The following SGCE variants were observed in gnomAD, a reference collection of about 807,000 sequenced individuals.
The protein encoded by SGCE is epsilon-sarcoglycan.
Under a neutral mutation model 57.8 loss-of-function variants are expected in SGCE, and 26 were observed. The observed-to-expected ratio is 0.45, with a 90% CI of 0.33 to 0.62. The LOEUF is 0.62. SGCE is among the 20% of genes least tolerant of loss of function. The pLI, the probability that SGCE is intolerant of heterozygous loss-of-function variation, is 0.02. For synonymous variants in SGCE, 183 were observed against 189.5 expected, an observed-to-expected ratio of 0.97 and a Z score of 0.28; for missense variants, 468 against 548.6, an observed-to-expected ratio of 0.85 and a Z score of 1.47.
intron 1 of SGCE, among the ~76,000 whole-genome samples, chr7:94,648,218 C>T (rs892240345): frequency 1.3e-5 from 2 of 151,304 alleles, no homozygotes; most frequent in Non-Finnish European, 2.9e-5. Context: ...ACTAAAAATA[C>T]AAAAAAATTA....
chr7:94,617,278 T>G (rs1802074937), intron 5 of SGCE: 1 of 152,204 alleles, frequency 6.6e-6, no homozygotes, highest in African/African-American at 2.4e-5. Context: ...CTTGGTTCAA[T>G]TTAGTTTAGT....
intron 5 of SGCE, among the ~76,000 whole-genome samples, chr7:94,609,997 A>T (rs547276389): frequency 6.6e-6 from 1 of 152,320 alleles, no homozygotes; most frequent in South Asian, 2.1e-4. Flanking sequence ...ACCGTGGTAC[A>T]TCCAGAAAAT....
chr7:94,629,414 T>C, intron 2 of SGCE: 1 of 291,592 alleles, frequency 3.4e-6, no homozygotes, highest in South Asian at 3.5e-5. Context: ...TAGGTCTTAA[T>C]ATAGAAAATC....
At chr7:94,640,342 A>G (rs1457789178) in intron 1 of SGCE, among the ~76,000 whole-genome samples, 5 of 152,214 alleles carry the variant, frequency 3.3e-5, no homozygotes, top group Admixed American at 3.3e-4. Context: ...CCTTAAAGAT[A>G]CCATGTCCCT....
At chr7:94,652,800 G>A (rs1041145247) in intron 1 of SGCE, among the ~76,000 whole-genome samples, 5 of 152,106 alleles carry the variant, frequency 3.3e-5, no homozygotes, top group African/African-American at 1.2e-4. Flanking sequence ...ACTTTGCTTA[G>A]AAATAAATTT....
chr7:94,641,091 CAG>C (rs1584750184), intron 1 of SGCE: 1 of 152,274 alleles, frequency 6.6e-6, no homozygotes, highest in East Asian at 1.9e-4. Context: ...GAAGCAGTCA[CAG>C]AGGTTGAAAA....
chr7:94,598,924 G>A lies in SGCE; in HGVS notation c.1104C>T (p.Thr368=). 6.2e-7 allele frequency: 1 copy of A among 1,613,816 alleles called. No homozygotes were observed. The highest frequency in any genetic ancestry group is 1.1e-5 in the South Asian group (1 of 91,072). Residue 368 remains threonine (T), a synonymous_variant, in exon 9 of 11, where the codon ACC becomes ACT. Coordinates refer to ENST00000648936, the MANE Select transcript of SGCE (RefSeq NM_003919.3). ...TCTTGGACATGTCTCGAAGCTCCTT[G>A]GTAGATTTCTGAATAGCACTGTGAT... ...LVHHSAIQKS[T]KELRDMSKNR...
At chr7:94,655,699 G>A (rs1213465344) in intron 1 of SGCE, among the ~76,000 whole-genome samples, 1 of 151,930 alleles carries the variant, frequency 6.6e-6, no homozygotes, top group Admixed American at 6.6e-5. Flanking sequence ...GGGCGGGGAG[G>A]GGGATGTTGG....
At chr7:94,605,632 A>G (rs919904287) in intron 5 of SGCE, among the ~76,000 whole-genome samples, 4 of 152,132 alleles carry the variant, frequency 2.6e-5, no homozygotes, top group Admixed American at 2.6e-4. Flanking sequence ...ATATATGTAT[A>G]TTACAAACTC....
At chr7:94,589,771 T>C in intron 9 of SGCE, 1 of 189,082 alleles carries the variant, frequency 5.3e-6, no homozygotes, top group South Asian at 1.4e-4. Flanking sequence ...GATGGTACTG[T>C]CTAGTTGCAG....
chr7:94,627,506 A>G (rs998376358), intron 3 of SGCE: 8 of 152,026 alleles, frequency 5.3e-5, no homozygotes, highest in African/African-American at 1.9e-4. Flanking sequence ...CATTCCCATC[A>G]TTTACCTACT....
intron 6 of SGCE, among the ~76,000 whole-genome samples, chr7:94,603,087 T>C (rs751789779): frequency 6.6e-6 from 1 of 152,132 alleles, no homozygotes; most frequent in Non-Finnish European, 1.5e-5. Context: ...TAATCAAGGA[T>C]AGAATAAGTA....
intron 1 of SGCE, among the ~76,000 whole-genome samples, chr7:94,632,342 A>G (rs1366402370): frequency 6.6e-6 from 1 of 152,000 alleles, no homozygotes; most frequent in Non-Finnish European, 1.5e-5. Context: ...AGAACATCTC[A>G]GTTTCTGCTT....
Position 94,600,808 on chromosome 7 carries a change from T to G in SGCE, c.875A>C (p.Glu292Ala). 1.9e-6 allele frequency: 3 copies of G among 1,613,056 alleles called. No homozygotes were observed. The highest frequency in any genetic ancestry group is 2.5e-6 in the Non-Finnish European group (3 of 1,179,704). The stretch of plus-strand genomic sequence containing the variant: ...TTCTCCACCATCAGGTAAAATCCCC[T>G]CTCCACGAATCACTTCCTGATAGGT... ...VSTYQEVIRG[E>A]GILPDGGEYK... The change falls in exon 7 of 11, where the codon GAG (glutamate) becomes GCG (alanine). Residue 292 changes from glutamate (E) to alanine (A), a missense_variant. Coordinates refer to ENST00000648936, the MANE Select transcript of SGCE (RefSeq NM_003919.3).
chr7:94,625,503 T>A (rs1803563601), intron 3 of SGCE: 2 of 152,028 alleles, frequency 1.3e-5, no homozygotes, highest in Non-Finnish European at 2.9e-5. Flanking sequence ...AGCCCTTACC[T>A]CTCCCCAACC....
chr7:94,601,431 C>A, intron 6 of SGCE, among the ~76,000 whole-genome samples: 1 of 112,656 alleles, frequency 8.9e-6, no homozygotes, highest in Admixed American at 1.1e-4. Context: ...TTACTTAATT[C>A]TATCCCAGTA....
intron 3 of SGCE, chr7:94,627,812 A>G (rs1803970060): frequency 4.9e-6 from 1 of 202,164 alleles, no homozygotes; most frequent in South Asian, 8.4e-5. Context: ...ACCTATCACA[A>G]TGCTTGGCAA....
chr7:94,599,198 T>C (rs1206128047), intron 8 of SGCE: 2 of 461,364 alleles, frequency 4.3e-6, no homozygotes, highest in African/African-American at 2.0e-5. Context: ...TAAACTAAGC[T>C]ATGAAGCATT....
At chr7:94,614,626 T>C (rs1159935932) in intron 5 of SGCE, among the ~76,000 whole-genome samples, 4 of 152,192 alleles carry the variant, frequency 2.6e-5, no homozygotes, top group South Asian at 4.1e-4. Flanking sequence ...TTTGTACTTA[T>C]ATTTTCAACT....
Sources: gnomAD v4.1 joint callset for allele counts (sites outside exome capture counted in the v4.1 genomes callset) on GRCh38, gnomAD v4.1.1 for gene constraint, MANE v1.5 for transcripts, NCBI Gene and HGNC (gene_info 2026-07-23, HGNC 2026-07-21) for gene names.